LIPH: variants seen among roughly 807,000 people sequenced by gnomAD.
LIPH encodes lipase H, also known as lipase member H.
Under a neutral mutation model 47.6 loss-of-function variants are expected in LIPH, and 32 were observed. The ratio of observed to expected loss-of-function variants is 0.67; its 90% CI spans 0.51 to 0.90. LIPH has a LOEUF of 0.90. Ranked by LOEUF, LIPH falls within the 40% of genes least tolerant of loss-of-function variation. The pLI, the probability that LIPH is intolerant of heterozygous loss-of-function variation, is 0.00. For synonymous variants in LIPH, 190 were observed against 195.6 expected (o/e 0.97, Z 0.24); for missense variants, 497 against 541.4 (o/e 0.92, Z 0.81).
intron 4 of LIPH, 61 bp downstream of exon 4, chr3:185,527,423 C>A: frequency 8.9e-7 from 1 of 1,128,926 alleles, no homozygotes; most frequent in East Asian, 2.3e-5. Flanking sequence ...ATTATCTCTC[C>A]CCAGGGGACA....
chr3:185,524,233 T>C (rs998645195), intron 4 of LIPH, 73 bp from the exon 5 acceptor site: 5 of 852,010 alleles, frequency 5.9e-6, no homozygotes, highest in Non-Finnish European at 1.0e-5. Context: ...GCCTGCCAGG[T>C]ATAAGCAGGA....
intron 3 of LIPH, among the ~76,000 whole-genome samples, chr3:185,532,454 AG>A (rs1234338024): frequency 6.6e-6 from 1 of 151,664 alleles, no homozygotes; most frequent in Non-Finnish European, 1.5e-5. Context: ...TTGAGGCTGC[AG>A]TGAGCTGCAT....
chr3:185,511,318 G>C (rs1719556095), intron 9 of LIPH, among the ~76,000 whole-genome samples: 1 of 151,946 alleles, frequency 6.6e-6, no homozygotes, highest in African/African-American at 2.4e-5. Flanking sequence ...TCCCAGCTTG[G>C]CCTCCCAAAG....
intron 1 of LIPH, among the ~76,000 whole-genome samples, chr3:185,539,049 C>A (rs1457174398): frequency 6.6e-6 from 1 of 151,524 alleles, no homozygotes; most frequent in Non-Finnish European, 1.5e-5. Context: ...CGGCTCACTG[C>A]AACCTTCACC....
chr3:185,522,888 G>A (rs553511059), intron 5 of LIPH, among the ~76,000 whole-genome samples: 1 of 152,160 alleles, frequency 6.6e-6, no homozygotes, highest in South Asian at 2.1e-4. Flanking sequence ...ATAATTACTT[G>A]GAGCATTTAC....
chr3:185,533,117 G>A (rs1375053200), intron 3 of LIPH, among the ~76,000 whole-genome samples: 1 of 152,162 alleles, frequency 6.6e-6, no homozygotes, highest in African/African-American at 2.4e-5. Context: ...TTCATTCAGT[G>A]TTGGCCCGAA....
intron 1 of LIPH, 75 bp downstream of exon 1, chr3:185,552,348 G>A: frequency 2.0e-6 from 2 of 1,012,534 alleles, no homozygotes; most frequent in Admixed American, 1.7e-5. Flanking sequence ...GAAGTGGAAT[G>A]ATGACATGCA....
chr3:185,511,710 A>G lies in LIPH; in HGVS notation c.1095-13T>C. 1.3e-6 allele frequency: 2 copies of G among 1,594,170 alleles called. No individual in the cohort carries two copies. The highest frequency in any genetic ancestry group is 1.7e-6 in the Non-Finnish European group (2 of 1,161,774). Reference sequence around the variant, plus strand: ...TGTGGTGGGTTCACTGGAAGGAAGAAGTAATACTGAAAAATGGATAAAGAC... The same window carrying G: ...TGTGGTGGGTTCACTGGAAGGAAGAGGTAATACTGAAAAATGGATAAAGAC... On this transcript the variant is annotated splice_polypyrimidine_tract_variant and intron_variant, in intron 8 of 9. Transcript: ENST00000296252.
At chr3:185,543,846 C>CTTTTT (rs57080060) in intron 1 of LIPH, among the ~76,000 whole-genome samples, 14 of 108,700 alleles carry the variant, frequency 1.3e-4, no homozygotes, top group Admixed American at 3.1e-4. Context: ...CTGGCTCTTG[C>CTTTTT]TTTTTTTTTT....
chr3:185,521,391 G>C (rs980081099), intron 5 of LIPH, among the ~76,000 whole-genome samples: 1 of 152,140 alleles, frequency 6.6e-6, no homozygotes, highest in African/African-American at 2.4e-5. Flanking sequence ...CCTCTAGTGG[G>C]TTCCGCTGTT....
chr3:185,507,739 C>A lies in LIPH; in HGVS notation c.*1051G>T, dbSNP rs1336689556. ...CACGTGTTGGCAAAATAGGTGACAG[C>A]CTTGTTCCAAAAGGCTAACATTAAT... On this transcript the variant is annotated 3_prime_UTR_variant, in exon 10 of 10. Transcript: ENST00000296252. The A allele has an allele frequency of 2.0e-5, 3 of 152,144 alleles. No individual in the cohort carries two copies. Among genetic ancestry groups the A allele is most frequent in the Admixed American group, 2.0e-4 (3 of 15,268 alleles). 9.4% of individuals were successfully genotyped at this position (152,144 alleles called of 1,614,324 possible). A position where few individuals can be genotyped will look rare whatever the true frequency, so the allele number is the denominator to read the frequency against.
intron 4 of LIPH, among the ~76,000 whole-genome samples, chr3:185,524,452 T>C (rs948865218): frequency 1.8e-4 from 26 of 144,468 alleles, no homozygotes; most frequent in East Asian, 5.9e-4. Flanking sequence ...TTTCTTCTCT[T>C]TTTTTTTTTT....
At chr3:185,521,988 A>G (rs1426342107) in intron 5 of LIPH, among the ~76,000 whole-genome samples, 8 of 152,194 alleles carry the variant, frequency 5.3e-5, no homozygotes, top group Admixed American at 4.6e-4. Context: ...AAAACCAGTA[A>G]TGTATATATT....
At chr3:185,539,576 G>A (rs1720637618) in intron 1 of LIPH, among the ~76,000 whole-genome samples, 2 of 151,176 alleles carry the variant, frequency 1.3e-5, no homozygotes, top group Non-Finnish European at 1.5e-5. Flanking sequence ...TCACCTTGTT[G>A]GCCAGGCTGG....
In LIPH at chr3:185,515,377, G is replaced by A. The variant is rs563430549; in HGVS notation, c.983-856C>T. The stretch of plus-strand genomic sequence containing the variant: ...ATCAGGGAGATGACAGTCCCACGAA[G>A]GAATAAGGTCAGTCCTGGATTTGCC... On this transcript the variant is annotated intron_variant, in intron 7 of 9. Transcript: ENST00000296252. Among the ~76,000 whole-genome samples, 4 of 152,170 alleles carry A rather than the reference G, an allele frequency of 2.6e-5. No homozygotes were observed. In the South Asian group the frequency reaches 6.2e-4, roughly 24 times the overall value.
Position 185,517,067 on chromosome 3 carries a change from T to C in LIPH, c.982A>G (p.Met328Val), listed in dbSNP as rs1420166847. 17 of 1,602,134 alleles carry C rather than the reference T, an allele frequency of 1.1e-5. No homozygotes were observed. The highest frequency in any genetic ancestry group is 1.5e-5 in the Non-Finnish European group (17 of 1,169,172). ...FDTAEESPFC[M>V]YHYFVDIITW... Reference sequence around the variant, plus strand: ...GCCAACAACCACATTCACCACTCACTGCAGAATGGGCTCTCCTCAGCTGTG... The same window carrying C: ...GCCAACAACCACATTCACCACTCACCGCAGAATGGGCTCTCCTCAGCTGTG... Residue 328 changes from methionine (M) to valine (V), a missense_variant and splice_region_variant, in exon 7 of 10, where the codon ATG becomes GTG. Coordinates refer to ENST00000296252, the MANE Select transcript of LIPH (RefSeq NM_139248.3).
rs6775691 is a variant in LIPH at position 185,522,143 on chromosome 3, C to T, written c.718+1928G>A. Among the ~76,000 whole-genome samples the T allele has an allele frequency of 7.4e-3, 1,127 of 152,248 alleles. 17 individuals carry two copies. Among genetic ancestry groups the T allele is most frequent in the African/African-American group, 0.025 (1,057 of 41,536 alleles). ...GATACCTAGAGCCAGTGAACAAGACCTACAGCTTATTGGAGGAACTTACAT... is the reference window on the plus strand; with the variant it reads ...GATACCTAGAGCCAGTGAACAAGACTTACAGCTTATTGGAGGAACTTACAT... On this transcript the variant is annotated intron_variant, in intron 5 of 9. Transcript: ENST00000296252.
intron 5 of LIPH, among the ~76,000 whole-genome samples, chr3:185,520,569 A>AT (rs1398725770): frequency 6.6e-6 from 1 of 152,070 alleles, no homozygotes; most frequent in African/African-American, 2.4e-5. Flanking sequence ...ATTCCTCTTC[A>AT]TTCTGCCTTT....
chr3:185,506,450 A>C lies in LIPH; in HGVS notation c.*2340T>G, dbSNP rs1312710616. On this transcript the variant is annotated 3_prime_UTR_variant, in exon 10 of 10. Transcript: ENST00000296252. ...GAGTTTACAAAGTAGTAGAAATTCTATTTCTGGCATTTTCTTGCTATTGTT... is the reference window on the plus strand; with the variant it reads ...GAGTTTACAAAGTAGTAGAAATTCTCTTTCTGGCATTTTCTTGCTATTGTT... The C allele has an allele frequency of 6.6e-6, 1 of 152,190 alleles. No individual in the cohort carries two copies. Among genetic ancestry groups the C allele is most frequent in the African/African-American group, 2.4e-5 (1 of 41,438 alleles). The allele number at this position is 152,190 out of a possible 1,614,324, so 9.4% of individuals were successfully genotyped here. A position where few individuals can be genotyped will look rare whatever the true frequency, so the allele number is the denominator to read the frequency against.
Sources: allele counts gnomAD v4.1 joint callset (sites outside exome capture counted in the v4.1 genomes callset), GRCh38; gene constraint gnomAD v4.1.1; transcripts MANE v1.5; gene names NCBI Gene and HGNC (gene_info 2026-07-23, HGNC 2026-07-21).